Variants in COQ8A observed in about 807,000 individuals in gnomAD.
COQ8A encodes the protein atypical kinase COQ8A, mitochondrial.
COQ8A carries 51 observed loss-of-function variants against 65.0 expected under a neutral mutation model. The observed-to-expected ratio is 0.78, with a 90% confidence interval of 0.63 to 0.99. The LOEUF (loss-of-function observed/expected upper bound fraction) is 0.99. Among genes scored for constraint, COQ8A ranks in the 50% least tolerant of loss-of-function variants. The pLI, the probability that COQ8A is intolerant of heterozygous loss-of-function variation, is 0.00. For missense variants in COQ8A, 940 were observed against 875.0 expected (o/e 1.07, Z -0.94); for synonymous variants, 371 against 353.2 (o/e 1.05, Z -0.57).
chr1:226,969,729 A>G (rs1370700132), intron 4 of COQ8A, among the ~76,000 whole-genome samples: 3 of 151,874 alleles, frequency 2.0e-5, no homozygotes, highest in African/African-American at 7.3e-5. Context: ...CTTATGTTTA[A>G]TGCATATCTA....
At chr1:226,956,942 A>T (rs1245185243) in intron 1 of COQ8A, among the ~76,000 whole-genome samples, 1 of 59,310 alleles carries the variant, frequency 1.7e-5, no homozygotes, top group African/African-American at 7.1e-5. Flanking sequence ...CCTGGCTCTC[A>T]CTCTCCCTGG....
At chr1:226,944,692 TGAGA>T (rs1174520293) in intron 1 of COQ8A, among the ~76,000 whole-genome samples, 16 of 86,728 alleles carry the variant, frequency 1.8e-4, no homozygotes, top group South Asian at 4.3e-4. Flanking sequence ...AGTTGTACCC[TGAGA>T]GAGAGAGAGA....
rs572553451 is a variant in COQ8A at position 226,952,698 on chromosome 1, C to T, written c.-9-8679C>T. Among the ~76,000 whole-genome samples, 8 of 152,260 alleles carry T rather than the reference C, an allele frequency of 5.3e-5. No homozygotes were observed. The South Asian group carries it at 1.0e-3, about 20-fold the overall frequency. On this transcript the variant is annotated intron_variant, in intron 1 of 14. Coordinates refer to ENST00000366777, the MANE Select transcript of COQ8A (RefSeq NM_020247.5). The stretch of plus-strand genomic sequence containing the variant: ...AAGTGCTGGGATTACAGGCGTGTGC[C>T]GCTTCACCCAACCTGATATTATTTT...
chr1:226,942,714 C>T (rs893218295), intron 1 of COQ8A, among the ~76,000 whole-genome samples: 1 of 152,160 alleles, frequency 6.6e-6, no homozygotes, highest in African/African-American at 2.4e-5. Flanking sequence ...TTTTACACAG[C>T]AGCGTGGACA....
chr1:226,965,238 G>C lies in COQ8A; in HGVS notation c.416G>C (p.Gly139Ala). The change falls in exon 3 of 15, where the codon GGC becomes GCC. Residue 139 changes from glycine (G) to alanine (A), a missense_variant. Transcript: ENST00000366777. The stretch of plus-strand genomic sequence containing the variant: ...CCCGGCCAGGCCTCCTCCCCTCTGG[G>C]CAGGGCCAACGGGAGGCTCTTTGCA... ...GFPGQASSPL[G>A]RANGRLFANP... 6.2e-7 allele frequency: 1 copy of C among 1,614,022 alleles called. No individual in the cohort carries two copies. Among genetic ancestry groups the C allele is most frequent in the Non-Finnish European group, 8.5e-7 (1 of 1,180,032 alleles).
chr1:226,963,152 G>A (rs540861628), intron 2 of COQ8A, among the ~76,000 whole-genome samples: 1 of 152,334 alleles, frequency 6.6e-6, no homozygotes, highest in African/African-American at 2.4e-5. Context: ...CCCAAAGCAT[G>A]TCTGGAAGGG....
At chr1:226,961,746 A>G (rs1301622579) in intron 2 of COQ8A, among the ~76,000 whole-genome samples, 184 bp downstream of exon 2, 1 of 152,148 alleles carries the variant, frequency 6.6e-6, no homozygotes, top group East Asian at 1.9e-4. Context: ...GGCTGTGGCA[A>G]CTATAACAGA....
rs1195650016 is a variant in COQ8A, at chr1:226,951,786, AAAAG to A, written c.-9-9586_-9-9583del. Among the ~76,000 whole-genome samples the A allele has an allele frequency of 3.9e-5, 6 of 152,280 alleles. No homozygotes were observed. The East Asian group carries it at 1.2e-3, about 29-fold the overall frequency. ...GCTGTTGTAGCCAAAAAAGAAAAAA[AAAAG>A]AAAGCAGCTAGGGACAATACATATG... On this transcript the variant is annotated intron_variant, in intron 1 of 14. Coordinates refer to ENST00000366777, the MANE Select transcript of COQ8A (RefSeq NM_020247.5).
At position 226,965,733 on chromosome 1, in the gene COQ8A, C is replaced by A. The variant is rs375627978; in HGVS notation, c.651C>A (p.Phe217Leu). The change falls in exon 4 of 15, where the codon TTC (phenylalanine) becomes TTA (leucine). Residue 217 changes from phenylalanine (F) to leucine (L), a missense_variant. Phe to Leu is a conservative substitution (Grantham distance 22, BLOSUM62 0). Coordinates refer to ENST00000366777, the MANE Select transcript of COQ8A (RefSeq NM_020247.5). ...PVTRIGRLAN[F>L]GGLAVGLGFG... ...CGAGGATTGGCCGGCTGGCCAACTT[C>A]GGAGGTAAGGTGGCTGTGTGCCCCT... 1.4e-5 allele frequency: 22 copies of A among 1,613,558 alleles called. No individual in the cohort carries two copies. The highest frequency in any genetic ancestry group is 6.7e-5 in the African/African-American group (5 of 74,936).
rs2148142566 is a variant in COQ8A, at chr1:226,986,477, G to A, written c.1684G>A (p.Ala562Thr). The change falls in exon 15 of 15, where the codon GCC (alanine) becomes ACC (threonine). Residue 562 changes from alanine to threonine, a missense_variant. Physicochemically the swap from Ala to Thr is moderately conservative, Grantham distance 58. Coordinates refer to ENST00000366777, the MANE Select transcript of COQ8A (RefSeq NM_020247.5). ...VKVMEDAHLDAILILGEAFAS... is the reference protein window; with the variant it reads ...VKVMEDAHLDTILILGEAFAS... ...GGTCATGGAAGACGCCCACTTGGAT[G>A]CCATCCTCATCCTGGGGGAGGCCTT... is the stretch of plus-strand genomic sequence containing the variant. The A allele has an allele frequency of 1.9e-6, 3 of 1,613,020 alleles. No individual in the cohort carries two copies. The highest frequency in any genetic ancestry group is 2.5e-6 in the Non-Finnish European group (3 of 1,179,978).
At chr1:226,957,113 C>G (rs955609382) in intron 1 of COQ8A, among the ~76,000 whole-genome samples, 1 of 150,570 alleles carries the variant, frequency 6.6e-6, no homozygotes, top group African/African-American at 2.5e-5. Context: ...CTGGCTCTCA[C>G]TCTCCCTGGT....
chr1:226,950,151 C>A (rs1308067757), intron 1 of COQ8A, among the ~76,000 whole-genome samples: 1 of 152,156 alleles, frequency 6.6e-6, no homozygotes, highest in Non-Finnish European at 1.5e-5. Context: ...CTGCTTGGGA[C>A]CCTCTGTTGC....
intron 11 of COQ8A, 77 bp from the exon 12 acceptor site, chr1:226,984,471 G>T (rs1282679623): frequency 1.4e-6 from 2 of 1,394,288 alleles, no homozygotes; most frequent in East Asian, 2.3e-5. Context: ...AGGAGGCAGG[G>T]GCTTCTCTGG....
At chr1:226,960,476 CAGTGGT>C in intron 1 of COQ8A, among the ~76,000 whole-genome samples, 1 of 16,054 alleles carries the variant, frequency 6.2e-5, no homozygotes, top group African/African-American at 2.0e-4. Context: ...GTGGTGGTGG[CAGTGGT>C]ACTTGGTGGT....
chr1:226,947,793 T>G (rs1179418191), intron 1 of COQ8A, among the ~76,000 whole-genome samples: 1 of 110,002 alleles, frequency 9.1e-6, no homozygotes, highest in Non-Finnish European at 1.8e-5. Context: ...AGACCCTGTC[T>G]CAAAAAAATA....
In COQ8A at chr1:226,965,047, A is replaced by C. The variant is rs1026870767; in HGVS notation, c.225A>C (p.Pro75=). Reference sequence around the variant, plus strand: ...ATTTTGCTGAGAACTTCGGCGGCCCAGAAGGGGAGTTCCACTTCTCAGTCC... The same window carrying C: ...ATTTTGCTGAGAACTTCGGCGGCCCCGAAGGGGAGTTCCACTTCTCAGTCC... The part of the protein sequence containing the change: ...EEYFAENFGG[P]EGEFHFSVPH... Residue 75 remains proline, a synonymous_variant, in exon 3 of 15, where the codon CCA becomes CCC. Transcript: ENST00000366777. The C allele has an allele frequency of 6.2e-6, 10 of 1,613,942 alleles. No homozygotes were observed. The Admixed American group carries it at 1.3e-4, about 22-fold the overall frequency.
Position 226,983,578 on chromosome 1 carries a change from C to G in COQ8A, c.1107C>G (p.Asn369Lys). ...ACCCTGGCGTGGCCCAGAGCATCAA[C>G]AGTGATGTCAACAACCTCATGGCCG... ...IQYPGVAQSI[N>K]SDVNNLMAVL... The change falls in exon 9 of 15, where the codon AAC becomes AAG. Residue 369 changes from asparagine to lysine, a missense_variant. By Grantham distance (94) the Asn-to-Lys change is moderately conservative. Coordinates refer to ENST00000366777, the MANE Select transcript of COQ8A (RefSeq NM_020247.5). 2 of 1,613,990 alleles carry G rather than the reference C, an allele frequency of 1.2e-6. No individual in the cohort carries two copies. Among genetic ancestry groups the G allele is most frequent in the Non-Finnish European group, 1.7e-6 (2 of 1,180,026 alleles).
chr1:226,955,544 T>C (rs1239186858), intron 1 of COQ8A, among the ~76,000 whole-genome samples: 54 of 69,056 alleles, frequency 7.8e-4, no homozygotes, highest in Middle Eastern at 0.011. Context: ...CTCTCCCTGG[T>C]TCACACTCTC....
chr1:226,966,901 C>T (rs943558789), intron 4 of COQ8A, among the ~76,000 whole-genome samples: 2 of 152,170 alleles, frequency 1.3e-5, no homozygotes, highest in Non-Finnish European at 2.9e-5. Context: ...GCTGGCCCCC[C>T]TCTCCAAGGT....
Sources: allele counts gnomAD v4.1 joint callset (sites outside exome capture counted in the v4.1 genomes callset), GRCh38; gene constraint gnomAD v4.1.1; transcripts MANE v1.5; gene names NCBI Gene and HGNC (gene_info 2026-07-23, HGNC 2026-07-21).